The following DPP10 variants were observed in gnomAD, a reference collection of about 807,000 sequenced individuals.
The protein encoded by DPP10 is inactive dipeptidyl peptidase 10.
In DPP10, 33 loss-of-function variants were observed where a neutral mutation model predicts 120.9. The observed-to-expected ratio is 0.27, with a 90% CI of 0.21 to 0.37. DPP10 has a LOEUF of 0.37. Ranked by LOEUF, DPP10 falls within the 10% of genes least tolerant of loss-of-function variation. The pLI is 1.00. For missense variants in DPP10, 816 were observed against 942.8 expected (o/e 0.87, Z 1.76); for synonymous variants, 337 against 326.1 (o/e 1.03, Z -0.36).
At chr2:115,585,118 T>C (rs1171358977) in intron 5 of DPP10, among the ~76,000 whole-genome samples, 1 of 152,166 alleles carries the variant, frequency 6.6e-6, no homozygotes, top group East Asian at 1.9e-4. Context: ...CAGAAATTGG[T>C]AGTTAAGAAA....
At chr2:115,184,179 TGG>T (rs779615675) in intron 1 of DPP10, among the ~76,000 whole-genome samples, 1 of 152,108 alleles carries the variant, frequency 6.6e-6, no homozygotes, top group Non-Finnish European at 1.5e-5. Flanking sequence ...CCTGATCCTG[TGG>T]GAGATTATGG....
intron 1 of DPP10, among the ~76,000 whole-genome samples, chr2:114,592,205 G>C (rs1691521261): frequency 6.6e-6 from 1 of 152,094 alleles, no homozygotes; most frequent in Non-Finnish European, 1.5e-5. Context: ...TGACTTCTGA[G>C]GACAGAGAAG....
At position 115,739,761 on chromosome 2, in the gene DPP10, C is replaced by T. The variant is rs753852164; in HGVS notation, c.720C>T (p.Ile240=). 1.7e-5 allele frequency: 27 copies of T among 1,613,380 alleles called. No homozygotes were observed. Among genetic ancestry groups the T allele is most frequent in the Middle Eastern group, 3.3e-4 (2 of 6,048 alleles). ...LYEEELLHSH[I]AHWWSPDGER... ...TAGAGGAACTCCTGCATTCTCACAT[C>T]GCCCACTGGTGGTCACCAGATGGAG... The change falls in exon 9 of 26, where the codon ATC becomes ATT. Residue 240 remains isoleucine, a synonymous_variant. Coordinates refer to ENST00000410059, the MANE Select transcript of DPP10 (RefSeq NM_020868.6).
intron 5 of DPP10, among the ~76,000 whole-genome samples, chr2:115,630,573 A>G (rs1033230618): frequency 6.6e-6 from 1 of 152,090 alleles, no homozygotes; most frequent in Non-Finnish European, 1.5e-5. Context: ...TTTTTGAGGT[A>G]TGTTCCTTCA....
chr2:115,712,044 A>T (rs1343919885), intron 7 of DPP10, among the ~76,000 whole-genome samples: 1 of 146,586 alleles, frequency 6.8e-6, no homozygotes, highest in East Asian at 2.1e-4. Context: ...CAGGGGAGGG[A>T]TGGTTTTGGG....
chr2:114,723,012 T>C (rs1318491425), intron 1 of DPP10, among the ~76,000 whole-genome samples: 1 of 152,106 alleles, frequency 6.6e-6, no homozygotes, highest in Admixed American at 6.5e-5. Context: ...CATGGGGCAC[T>C]TAAGCTATCA....
In DPP10 at chr2:115,291,514, G is replaced by A. The variant is rs183959266; in HGVS notation, c.61-17725G>A. Among the ~76,000 whole-genome samples the A allele has an allele frequency of 1.9e-3, 289 of 152,194 alleles. 6 individuals carry two copies. Among genetic ancestry groups the A allele is most frequent in the Middle Eastern group, 0.014 (4 of 294 alleles). ...CTTTCATCTTTAAATATTGAATGAAGCACAGTTCTGCTAGATACTCATATC... is the reference window on the plus strand; with the variant it reads ...CTTTCATCTTTAAATATTGAATGAAACACAGTTCTGCTAGATACTCATATC... On this transcript the variant is annotated intron_variant, in intron 1 of 25. Transcript: ENST00000410059.
intron 21 of DPP10, among the ~76,000 whole-genome samples, chr2:115,834,023 C>T (rs1689194875): frequency 1.3e-5 from 2 of 152,120 alleles, no homozygotes; most frequent in African/African-American, 4.8e-5. Context: ...GACTGTCTCT[C>T]TCAATGAGAA....
At chr2:114,500,642 T>G (rs1470293529) in intron 1 of DPP10, among the ~76,000 whole-genome samples, 1 of 152,090 alleles carries the variant, frequency 6.6e-6, no homozygotes, top group Admixed American at 6.5e-5. Flanking sequence ...AGTAAGATAT[T>G]GATTGGCCTC....
chr2:114,578,141 A>G (rs1690208268), intron 1 of DPP10, among the ~76,000 whole-genome samples: 1 of 152,212 alleles, frequency 6.6e-6, no homozygotes, highest in Admixed American at 6.5e-5. Context: ...AAGGAAAACC[A>G]TGGACATTTA....
intron 4 of DPP10, among the ~76,000 whole-genome samples, chr2:115,511,047 A>G (rs1428240144): frequency 6.6e-6 from 1 of 152,168 alleles, no homozygotes; most frequent in Non-Finnish European, 1.5e-5. Flanking sequence ...ATAAGGGGTT[A>G]TCAGTCTGTA....
intron 1 of DPP10, among the ~76,000 whole-genome samples, chr2:115,180,999 A>G (rs572876582): frequency 1.3e-5 from 2 of 152,242 alleles, no homozygotes; most frequent in East Asian, 1.9e-4. Context: ...TCCTAAAAAT[A>G]TACGTCACTT....
chr2:114,914,290 A>T (rs745948755), intron 1 of DPP10, among the ~76,000 whole-genome samples: 3 of 152,220 alleles, frequency 2.0e-5, no homozygotes, highest in Non-Finnish European at 4.4e-5. Context: ...AAAATAAAAG[A>T]TATTAAAGGC....
At chr2:114,921,142 A>G (rs924690377) in intron 1 of DPP10, among the ~76,000 whole-genome samples, 5 of 152,256 alleles carry the variant, frequency 3.3e-5, no homozygotes, top group Admixed American at 1.3e-4. Context: ...CTTCGAACAA[A>G]GAAGAAATGG....
intron 1 of DPP10, among the ~76,000 whole-genome samples, chr2:114,687,579 G>A (rs1699454821): frequency 6.6e-6 from 1 of 151,888 alleles, no homozygotes; most frequent in African/African-American, 2.4e-5. Flanking sequence ...CATTTCACTA[G>A]GACTTATTTT....
At chr2:115,522,047 A>C (rs1330520906) in intron 4 of DPP10, among the ~76,000 whole-genome samples, 2 of 152,208 alleles carry the variant, frequency 1.3e-5, no homozygotes, top group East Asian at 3.8e-4. Flanking sequence ...CTGGCCCCCA[A>C]GTATATTTAG....
At chr2:115,395,873 G>T (rs1394593987) in intron 3 of DPP10, among the ~76,000 whole-genome samples, 1 of 151,856 alleles carries the variant, frequency 6.6e-6, no homozygotes, top group Non-Finnish European at 1.5e-5. Flanking sequence ...CATATGTGTT[G>T]CTGTACATAC....
intron 2 of DPP10, among the ~76,000 whole-genome samples, chr2:115,319,267 C>A (rs1457478466): frequency 6.6e-6 from 1 of 152,078 alleles, no homozygotes; most frequent in Non-Finnish European, 1.5e-5. Flanking sequence ...ATGTATAAGC[C>A]TCTTCATATG....
intron 3 of DPP10, among the ~76,000 whole-genome samples, chr2:115,449,090 G>A (rs1387093505): frequency 2.6e-5 from 4 of 152,106 alleles, no homozygotes; most frequent in African/African-American, 7.2e-5. Context: ...GAACTTTTCA[G>A]CAAAGTAACC....
Sources: allele counts gnomAD v4.1 joint callset (sites outside exome capture counted in the v4.1 genomes callset), GRCh38; gene constraint gnomAD v4.1.1; transcripts MANE v1.5; gene names NCBI Gene and HGNC (gene_info 2026-07-23, HGNC 2026-07-21).